The following PACRGL variants were observed in gnomAD, a reference collection of about 807,000 sequenced individuals.
The protein encoded by PACRGL is PACRG-like protein.
A neutral mutation model predicts 34.5 loss-of-function variants in PACRGL; 38 were observed. The observed-to-expected ratio is 1.10, with a 90% confidence interval of 0.85 to 1.44. PACRGL has a LOEUF of 1.44. PACRGL is among the 40% of genes most tolerant of loss of function. PACRGL has a pLI of 0.00. For missense variants in PACRGL, 305 were observed against 281.4 expected, an observed-to-expected ratio of 1.08 and a Z score of -0.60; for synonymous variants, 128 against 100.1, an observed-to-expected ratio of 1.28 and a Z score of -1.66.
At chr4:20,735,319 T>G (rs1749316656), downstream of PACRGL, among the ~76,000 whole-genome samples, 1 of 152,126 alleles carries the variant, frequency 6.6e-6, no homozygotes, top group African/African-American at 2.4e-5. Context: ...GCCTCAATTT[T>G]CGTATCTGTA....
chr4:20,758,754 T>G, the PACRGL span: 1 of 1,226,918 alleles, frequency 8.2e-7, no homozygotes, highest in African/African-American at 1.5e-5. Context: ...TATGAAAAAT[T>G]AAACTCAACA....
intron 7 of PACRGL, among the ~76,000 whole-genome samples, chr4:20,713,802 C>T (rs967201870): frequency 4.6e-5 from 7 of 152,046 alleles, no homozygotes; most frequent in African/African-American, 7.2e-5. Context: ...TGTAGCTGAG[C>T]GGTTTTGAGT....
upstream of PACRGL, chr4:20,700,324 T>G (rs528398863): frequency 6.6e-6 from 1 of 152,218 alleles, no homozygotes; most frequent in Non-Finnish European, 1.5e-5. Flanking sequence ...CCTGAACTCC[T>G]GGCGCCTGGT....
intron 7 of PACRGL, among the ~76,000 whole-genome samples, chr4:20,716,657 A>T (rs1469913375): frequency 1.3e-5 from 2 of 152,198 alleles, no homozygotes; most frequent in Non-Finnish European, 2.9e-5. Context: ...TACAAAGGAC[A>T]TGAACTCATC....
intron 5 of PACRGL, among the ~76,000 whole-genome samples, chr4:20,710,229 TTTGC>T (rs1302607641): frequency 1.3e-5 from 2 of 152,190 alleles, no homozygotes; most frequent in Non-Finnish European, 2.9e-5. Context: ...ACTCCAGCTC[TTTGC>T]TTGTACATTT....
intron 8 of PACRGL, among the ~76,000 whole-genome samples, chr4:20,744,987 G>A (rs1189683767): frequency 6.6e-6 from 1 of 152,100 alleles, no homozygotes; most frequent in Non-Finnish European, 1.5e-5. Flanking sequence ...TGGATTTGTG[G>A]TTGCCATTTG....
intron 7 of PACRGL, among the ~76,000 whole-genome samples, chr4:20,717,735 A>G (rs1297136105): frequency 6.6e-6 from 1 of 152,180 alleles, no homozygotes; most frequent in Non-Finnish European, 1.5e-5. Context: ...TGGTTACTGT[A>G]GCCTTGTAGT....
chr4:20,709,711 T>G lies in PACRGL; in HGVS notation c.304T>G (p.Leu102Val), dbSNP rs757044080. ...GGTACATGGTTCAGTAAAACACAGA[T>G]TACAGTGGGAATGTCCTCCTGAAAG... Reference protein sequence around the residue: ...RLVHGSVKHRLQWECPPESLS... With the variant: ...RLVHGSVKHRVQWECPPESLS... Residue 102 changes from leucine (L) to valine (V), a missense_variant, in exon 5 of 9, where the codon TTA (leucine) becomes GTA (valine). Coordinates refer to ENST00000503585, the MANE Select transcript of PACRGL (RefSeq NM_001258345.3). 3 of 1,609,762 alleles carry G rather than the reference T, an allele frequency of 1.9e-6. No individual in the cohort carries two copies. The highest frequency in any genetic ancestry group is 3.3e-5 in the Admixed American group (2 of 59,868).
chr4:20,732,222 G>GAGAT lies in PACRGL; in HGVS notation c.*4883_*4886dup, dbSNP rs2149263248. On this transcript the variant is annotated 3_prime_UTR_variant, in exon 9 of 9. Coordinates refer to ENST00000503585, the MANE Select transcript of PACRGL (RefSeq NM_001258345.3). ...CAGAGCAGGAACCAGCAGTTTTTTA[G>GAGAT]AGATAAAAATGATAGGGCCAAATGC... Among the ~76,000 whole-genome samples the GAGAT allele has an allele frequency of 6.6e-6, 1 of 152,302 alleles. No homozygotes were observed. The highest frequency in any genetic ancestry group is 2.1e-4 in the South Asian group (1 of 4,826).
chr4:20,704,415 A>G, intron 1 of PACRGL, 51 bp from the exon 2 acceptor site: 1 of 1,541,674 alleles, frequency 6.5e-7, no homozygotes, highest in Non-Finnish European at 8.9e-7. Context: ...TTGATAACAA[A>G]TGCCCCTCCA....
rs181961223 is a variant in PACRGL, at chr4:20,726,465, A to G, written c.691-820A>G. Among the ~76,000 whole-genome samples, 115 of 152,258 alleles carry G rather than the reference A, an allele frequency of 7.6e-4. 1 individual carries two copies. The highest frequency in any genetic ancestry group is 2.3e-3 in the African/African-American group (97 of 41,548). On this transcript the variant is annotated intron_variant, in intron 8 of 8. Coordinates refer to ENST00000503585, the MANE Select transcript of PACRGL (RefSeq NM_001258345.3). ...ATGTAATTGGAATAGAAAATTTCCTATTGCAATTACATACCAAAGACTTTC... is the reference window on the plus strand; with the variant it reads ...ATGTAATTGGAATAGAAAATTTCCTGTTGCAATTACATACCAAAGACTTTC...
chr4:20,741,787 G>C (rs10003206), intron 8 of PACRGL, among the ~76,000 whole-genome samples: 3 of 151,934 alleles, frequency 2.0e-5, no homozygotes, highest in Non-Finnish European at 4.4e-5. Context: ...AGGAGCTGGT[G>C]TTTTGAAAAG....
rs1365765136 is a variant in PACRGL, at chr4:20,709,769, C to T, written c.362C>T (p.Ala121Val). The change falls in exon 5 of 9, where the codon GCT becomes GTT. Residue 121 changes from alanine to valine, a missense_variant. Coordinates refer to ENST00000503585, the MANE Select transcript of PACRGL (RefSeq NM_001258345.3). ...TTTGATCCACTTCTTATTACTTTAG[C>T]TGAGGTAAATATGCCATCTCTTGAA... ...LSFDPLLITLAEGLRETKHPY... is the reference protein window; with the variant it reads ...LSFDPLLITLVEGLRETKHPY... 11 of 1,590,158 alleles carry T rather than the reference C, an allele frequency of 6.9e-6. No homozygotes were observed. Among genetic ancestry groups the T allele is most frequent in the Non-Finnish European group, 9.5e-6 (11 of 1,159,280 alleles).
intron 8 of PACRGL, among the ~76,000 whole-genome samples, chr4:20,743,279 C>G (rs931374457): frequency 6.6e-6 from 1 of 152,116 alleles, no homozygotes; most frequent in African/African-American, 2.4e-5. Flanking sequence ...CTTTAAAGTT[C>G]ATATGGAACC....
downstream of PACRGL, among the ~76,000 whole-genome samples, chr4:20,754,638 C>A (rs1160489089): frequency 6.6e-6 from 1 of 152,184 alleles, no homozygotes; most frequent in East Asian, 1.9e-4. Flanking sequence ...GGTCAGATTT[C>A]TGCATTCAAT....
chr4:20,697,626 T>C (rs1225923446), upstream of PACRGL, among the ~76,000 whole-genome samples: 1 of 152,116 alleles, frequency 6.6e-6, no homozygotes, highest in Non-Finnish European at 1.5e-5. Flanking sequence ...ATTTAGAAAG[T>C]TTTTTAGTCT....
At chr4:20,753,926 AT>A (rs1754071565), downstream of PACRGL, among the ~76,000 whole-genome samples, 2 of 152,100 alleles carry the variant, frequency 1.3e-5, no homozygotes, top group African/African-American at 2.4e-5. Context: ...TCATTCATTC[AT>A]TCATTCATTC....
chr4:20,716,319 G>A, intron 7 of PACRGL: 2 of 574,172 alleles, frequency 3.5e-6, no homozygotes, highest in East Asian at 3.0e-5. Context: ...TCCTAGTGAA[G>A]TTATTCATGC....
intron 5 of PACRGL, 200 bp from the exon 6 acceptor site, chr4:20,712,588 G>GT (rs1737821409): frequency 2.4e-6 from 1 of 422,390 alleles, no homozygotes; most frequent in Non-Finnish European, 4.0e-6. Context: ...CCTGGAACCA[G>GT]TTTCCCTTGG....
Sources: allele counts gnomAD v4.1 joint callset (sites outside exome capture counted in the v4.1 genomes callset), GRCh38; gene constraint gnomAD v4.1.1; transcripts MANE v1.5; gene names NCBI Gene and HGNC (gene_info 2026-07-23, HGNC 2026-07-21).